CCSER1: variants seen among roughly 807,000 people sequenced by gnomAD.
CCSER1 encodes coiled-coil serine rich protein 1.
Under a neutral mutation model 82.0 loss-of-function variants are expected in CCSER1, and 41 were observed. That is an observed-to-expected ratio of 0.50 (90% CI 0.39 to 0.65). The LOEUF (loss-of-function observed/expected upper bound fraction) is 0.65. Ranked by LOEUF, CCSER1 falls within the 30% of genes least tolerant of loss-of-function variation. The probability of loss-of-function intolerance (pLI) is 0.00; values close to 1 mark genes in which losing one functional copy is unlikely to be tolerated. For synonymous variants in CCSER1, 414 were observed against 383.9 expected, an observed-to-expected ratio of 1.08 and a Z score of -0.92; for missense variants, 1,119 against 1,064.2, an observed-to-expected ratio of 1.05 and a Z score of -0.72.
chr4:90,664,832 A>G (rs569451542), intron 6 of CCSER1, among the ~76,000 whole-genome samples: 75 of 151,854 alleles, frequency 4.9e-4, no homozygotes, highest in Non-Finnish European at 8.5e-4. Context: ...GCCAGGAGGC[A>G]GAGATTGTGG....
chr4:91,299,452 TATCTGTGCATC>T (rs1400474281), intron 10 of CCSER1, among the ~76,000 whole-genome samples: 1 of 152,030 alleles, frequency 6.6e-6, no homozygotes, highest in Admixed American at 6.6e-5. Context: ...GTCAAGGACT[TATCTGTGCATC>T]ATACTTACAC....
intron 9 of CCSER1, among the ~76,000 whole-genome samples, chr4:90,965,280 TA>T (rs1734451219): frequency 6.6e-6 from 1 of 152,038 alleles, no homozygotes; most frequent in African/African-American, 2.4e-5. Context: ...CAGAGGCCTT[TA>T]AAAAGGCTTC....
At chr4:91,351,331 T>C (rs988718298) in intron 10 of CCSER1, among the ~76,000 whole-genome samples, 1 of 152,096 alleles carries the variant, frequency 6.6e-6, no homozygotes, top group African/African-American at 2.4e-5. Flanking sequence ...TAAGCTTAAT[T>C]TGAATCCTTC....
At chr4:91,019,980 G>C (rs891859001) in intron 9 of CCSER1, among the ~76,000 whole-genome samples, 1 of 152,110 alleles carries the variant, frequency 6.6e-6, no homozygotes, top group Non-Finnish European at 1.5e-5. Context: ...TCAAACTGAT[G>C]ATATGTGTCA....
chr4:90,134,533 T>C (rs956067344), intron 1 of CCSER1, among the ~76,000 whole-genome samples: 2 of 152,220 alleles, frequency 1.3e-5, no homozygotes, highest in Admixed American at 6.5e-5. Flanking sequence ...AATGAAAATT[T>C]AAGATGTAAC....
chr4:90,314,805 A>G (rs1735883107), intron 3 of CCSER1, among the ~76,000 whole-genome samples: 1 of 148,802 alleles, frequency 6.7e-6, no homozygotes, highest in Non-Finnish European at 1.5e-5. Flanking sequence ...AGTGCTTCTT[A>G]TAATATCACA....
chr4:90,136,271 T>G (rs1422206064), intron 1 of CCSER1, among the ~76,000 whole-genome samples: 3 of 152,100 alleles, frequency 2.0e-5, no homozygotes, highest in Admixed American at 2.0e-4. Context: ...GAGGATTGCA[T>G]GAGCCTAGGA....
chr4:91,280,699 G>T (rs1742851529), intron 10 of CCSER1, among the ~76,000 whole-genome samples: 1 of 152,144 alleles, frequency 6.6e-6, no homozygotes, highest in Non-Finnish European at 1.5e-5. Context: ...TATAAGTGGG[G>T]TATAATATTT....
At chr4:90,762,833 T>G (rs894635742) in intron 7 of CCSER1, among the ~76,000 whole-genome samples, 27 of 152,104 alleles carry the variant, frequency 1.8e-4, no homozygotes, top group Admixed American at 4.6e-4. Context: ...GTGACCAAAT[T>G]AAATATCTTG....
At chr4:91,547,408 G>T (rs1364026449) in intron 10 of CCSER1, among the ~76,000 whole-genome samples, 1 of 152,146 alleles carries the variant, frequency 6.6e-6, no homozygotes, top group Non-Finnish European at 1.5e-5. Flanking sequence ...GTTAAGGATT[G>T]TTACATTTTC....
chr4:90,819,534 T>A (rs1225015997), intron 8 of CCSER1, among the ~76,000 whole-genome samples: 2 of 152,220 alleles, frequency 1.3e-5, no homozygotes, highest in Non-Finnish European at 2.9e-5. Flanking sequence ...TCTTTTTTAT[T>A]GCTGGGTGGG....
intron 10 of CCSER1, among the ~76,000 whole-genome samples, chr4:91,401,697 G>C (rs1368819995): frequency 6.6e-6 from 1 of 152,036 alleles, no homozygotes; most frequent in Non-Finnish European, 1.5e-5. Flanking sequence ...ATGGTTTCCA[G>C]CTTCATCCAT....
At chr4:91,158,620 CTG>C (rs145928017) in intron 10 of CCSER1, among the ~76,000 whole-genome samples, 31,642 of 148,180 alleles carry the variant, frequency 0.21, 3,713 homozygotes, top group African/African-American at 0.29. Context: ...CCCTCTCTTT[CTG>C]TGTGTGTGTG....
rs375931657 is a variant in CCSER1, at chr4:91,579,206, TTTTG to T, written c.2218-19358_2218-19355del. Reference sequence around the variant, plus strand: ...TCTATTAGGGTTTTGGAATACATATTTTTGTTTGTTTATCATTTATTTCCTTTTT... The same window carrying T: ...TCTATTAGGGTTTTGGAATACATATTTTTGTTTATCATTTATTTCCTTTTT... On this transcript the variant is annotated intron_variant, in intron 10 of 10. Coordinates refer to ENST00000509176, the MANE Select transcript of CCSER1 (RefSeq NM_001145065.2). Among the ~76,000 whole-genome samples the T allele has an allele frequency of 4.3e-3, 658 of 151,806 alleles. 2 individuals carry two copies. The highest frequency in any genetic ancestry group is 6.8e-3 in the Middle Eastern group (2 of 294).
intron 6 of CCSER1, among the ~76,000 whole-genome samples, chr4:90,664,317 A>G (rs1731332213): frequency 6.6e-6 from 1 of 152,150 alleles, no homozygotes; most frequent in Non-Finnish European, 1.5e-5. Flanking sequence ...TAATTTTGTG[A>G]TTTGTGTGTC....
At chr4:90,940,768 G>A (rs887035430) in intron 9 of CCSER1, among the ~76,000 whole-genome samples, 8 of 152,022 alleles carry the variant, frequency 5.3e-5, no homozygotes, top group Admixed American at 6.6e-5. Context: ...CAAACTTGTC[G>A]TCATCTTTCA....
intron 10 of CCSER1, among the ~76,000 whole-genome samples, chr4:91,490,668 G>C (rs1176127393): frequency 6.6e-6 from 1 of 150,534 alleles, no homozygotes; most frequent in East Asian, 2.0e-4. Flanking sequence ...ATACGATCAA[G>C]TATTTGATAG....
chr4:90,894,324 T>G (rs1270128707), intron 8 of CCSER1, among the ~76,000 whole-genome samples: 1 of 152,032 alleles, frequency 6.6e-6, no homozygotes, highest in East Asian at 1.9e-4. Flanking sequence ...TTTTTTAAAC[T>G]AAAACAATAC....
At chr4:90,918,124 A>G in intron 8 of CCSER1, 1 of 250,306 alleles carries the variant, frequency 4.0e-6, no homozygotes, top group South Asian at 4.2e-5. Context: ...ATATTCAGTA[A>G]GTATGTAATC....
Sources: allele counts gnomAD v4.1 joint callset (sites outside exome capture counted in the v4.1 genomes callset), GRCh38; gene constraint gnomAD v4.1.1; transcripts MANE v1.5; gene names NCBI Gene and HGNC (gene_info 2026-07-23, HGNC 2026-07-21).